Variants in GLB1L3 observed in about 807,000 individuals in gnomAD.
GLB1L3 encodes galactosidase beta 1 like 3, also known as beta-galactosidase-1-like protein 3.
GLB1L3 carries 89 observed loss-of-function variants against 89.5 expected under a neutral mutation model. The ratio of observed to expected loss-of-function variants is 0.99; its 90% CI spans 0.84 to 1.19. The LOEUF (loss-of-function observed/expected upper bound fraction) is 1.19, where lower values mean the gene tolerates loss of function less well. GLB1L3 is among the 50% of genes most tolerant of loss of function. GLB1L3 has a pLI of 0.00. For synonymous variants in GLB1L3, 314 were observed against 312.3 expected, an observed-to-expected ratio of 1.01 and a Z score of -0.06; for missense variants, 812 against 813.3, an observed-to-expected ratio of 1.00 and a Z score of 0.02.
At chr11:134,283,192 A>G (rs889275643) in intron 5 of GLB1L3, among the ~76,000 whole-genome samples, 5 of 151,914 alleles carry the variant, frequency 3.3e-5, no homozygotes, top group African/African-American at 1.2e-4. Flanking sequence ...CCTCCTGAGT[A>G]GCTGGGATTA....
rs1306971985 is a variant in GLB1L3 at position 134,319,485 on chromosome 11, A to T, written c.*543A>T. ...TTTAATGACTGATTTATCTAGTTAA[A>T]TGCTTAATCCTTAGCAGGCTCTTAT... On this transcript the variant is annotated 3_prime_UTR_variant, in exon 20 of 20. Transcript: ENST00000431683. The T allele has an allele frequency of 6.6e-6, 1 of 152,412 alleles. No homozygotes were observed. The highest frequency in any genetic ancestry group is 1.5e-5 in the Non-Finnish European group (1 of 68,206). The allele number at this position is 152,412 out of a possible 1,614,324, so 9.4% of individuals were successfully genotyped here. A position where few individuals can be genotyped will look rare whatever the true frequency, so the allele number is the denominator to read the frequency against.
At chr11:134,319,757 CGT>C (rs1487543269), downstream of GLB1L3, among the ~76,000 whole-genome samples, 2 of 145,876 alleles carry the variant, frequency 1.4e-5, no homozygotes, top group African/African-American at 5.0e-5. Flanking sequence ...TGCGCGCGCG[CGT>C]GCATGTGTGT....
At chr11:134,287,027 GGC>G (rs1397377330) in intron 6 of GLB1L3, 1 of 151,516 alleles carries the variant, frequency 6.6e-6, no homozygotes, top group Non-Finnish European at 1.5e-5. Context: ...CGGGCGTGGT[GGC>G]GGGCGCCTGT....
chr11:134,312,977 C>G (rs1591591603), intron 15 of GLB1L3, 90 bp downstream of exon 15: 3 of 906,432 alleles, frequency 3.3e-6, no homozygotes, highest in Non-Finnish European at 1.8e-6. Flanking sequence ...CCCTTCTCCA[C>G]CCCTGCTGCT....
chr11:134,294,789 C>T (rs141862409), intron 9 of GLB1L3, among the ~76,000 whole-genome samples: 21 of 152,282 alleles, frequency 1.4e-4, no homozygotes, highest in African/African-American at 5.1e-4. Context: ...TCTTCGAGGT[C>T]CATTTATGCA....
chr11:134,283,881 G>C (rs748626271), intron 6 of GLB1L3, 36 bp downstream of exon 6: 6 of 1,211,420 alleles, frequency 5.0e-6, no homozygotes, highest in Middle Eastern at 1.9e-4. Context: ...TTTCTTACGT[G>C]CCCTTTAGGG....
At chr11:134,279,245 G>A (rs1565386848) in intron 3 of GLB1L3, among the ~76,000 whole-genome samples, 1 of 151,954 alleles carries the variant, frequency 6.6e-6, no homozygotes. Context: ...GAGGTGAAGG[G>A]TTTGGGGACG....
Position 134,308,329 on chromosome 11 carries a change from TCAC to T in GLB1L3, c.961+1124_961+1126del, listed in dbSNP as rs1942395747. ...ACCACCACTACCACCACCATCACCA[TCAC>T]CATCACCATCATCACCATCACCACT... On this transcript the variant is annotated intron_variant, in intron 10 of 19. Transcript: ENST00000431683. Among the ~76,000 whole-genome samples the T allele has an allele frequency of 3.5e-4, 7 of 20,260 alleles. 2 individuals are homozygous for T. In the South Asian group the frequency reaches 0.011, roughly 31 times the overall value. 13.3% of individuals were successfully genotyped at this position (20,260 alleles called of 152,430 possible).
chr11:134,308,177 ACCATCACCATCATCACCATCACC>A (rs1942303124), intron 10 of GLB1L3, among the ~76,000 whole-genome samples: 1 of 119,470 alleles, frequency 8.4e-6, no homozygotes, highest in African/African-American at 3.8e-5. Flanking sequence ...CAGCACCACC[ACCATCACCATCATCACCATCACC>A]ACTACCACCA....
downstream of GLB1L3, among the ~76,000 whole-genome samples, chr11:134,320,738 CA>C (rs58638015): frequency 0.32 from 44,887 of 139,184 alleles, 7,009 homozygotes; most frequent in African/African-American, 0.4. Context: ...ACAAGAAAAA[CA>C]AAAAAAAAAA....
At position 134,313,399 on chromosome 11, in the gene GLB1L3, T is replaced by C; in HGVS notation, c.1504T>C (p.Cys502Arg). The stretch of plus-strand genomic sequence containing the variant: ...ATGACCTGGCCTGTCCCAGCAGGAC[T>C]GCCGATACCTGAGGATCCTGGTGGA... ...KDLHIPELRD[C>R]RYLRILVENQ... The change falls in exon 16 of 20, where the codon TGC (cysteine) becomes CGC (arginine). Residue 502 changes from cysteine (C) to arginine (R), a missense_variant. Cys to Arg is a radical substitution (Grantham distance 180). This residue lies in a region of GLB1L3 where 618 missense variants were observed against 604.0 expected (regional missense o/e 1.02). Coordinates refer to ENST00000431683, the MANE Select transcript of GLB1L3 (RefSeq NM_001080407.3). 1 of 1,578,314 alleles carries C rather than the reference T, an allele frequency of 6.3e-7. No homozygotes were observed. Among genetic ancestry groups the C allele is most frequent in the South Asian group, 1.2e-5 (1 of 85,758 alleles).
At chr11:134,325,039 T>A in the GLB1L3 span, among the ~76,000 whole-genome samples, 1 of 152,210 alleles carries the variant, frequency 6.6e-6, no homozygotes, top group African/African-American at 2.4e-5. Flanking sequence ...GTTATAAAGC[T>A]AATGTATGCT....
chr11:134,277,245 C>A, intron 1 of GLB1L3, 81 bp from the exon 2 acceptor site: 2 of 1,591,232 alleles, frequency 1.3e-6, no homozygotes, highest in Non-Finnish European at 1.7e-6. Context: ...CTCTAAAGCG[C>A]CCCCGGCACA....
downstream of GLB1L3, among the ~76,000 whole-genome samples, chr11:134,320,748 A>C (rs1323344241): frequency 2.6e-5 from 4 of 152,144 alleles, no homozygotes; most frequent in Non-Finnish European, 4.4e-5. Context: ...CAAAAAAAAA[A>C]AACAAAATAT....
intron 3 of GLB1L3, among the ~76,000 whole-genome samples, 170 bp from the exon 4 acceptor site, chr11:134,281,207 C>CTAT (rs1940666493): frequency 6.6e-6 from 1 of 152,180 alleles, no homozygotes. Context: ...GAGCAAGGAA[C>CTAT]TATTAAAGAT....
At chr11:134,304,135 A>G (rs1942074457) in intron 9 of GLB1L3, among the ~76,000 whole-genome samples, 1 of 151,338 alleles carries the variant, frequency 6.6e-6, no homozygotes. Context: ...GTGTTGTCTC[A>G]CTCCTCTCAT....
intron 6 of GLB1L3, among the ~76,000 whole-genome samples, chr11:134,286,620 A>G (rs1464455136): frequency 6.6e-6 from 1 of 151,572 alleles, no homozygotes; most frequent in African/African-American, 2.4e-5. Flanking sequence ...ACTAAAAAAT[A>G]GAAAAAATTA....
chr11:134,312,546 C>G, intron 14 of GLB1L3, 57 bp downstream of exon 14: 1 of 1,587,346 alleles, frequency 6.3e-7, no homozygotes, highest in Admixed American at 1.7e-5. Context: ...CCCATGCTGT[C>G]GGGCAGGGTA....
chr11:134,307,280 C>G, intron 10 of GLB1L3, 72 bp downstream of exon 10: 1 of 1,077,220 alleles, frequency 9.3e-7, no homozygotes, highest in Non-Finnish European at 1.4e-6. Context: ...TCATACAGTT[C>G]TCTGCTAATT....
Sources: allele counts gnomAD v4.1 joint callset (sites outside exome capture counted in the v4.1 genomes callset), GRCh38; gene constraint gnomAD v4.1.1; regional missense constraint gnomAD v4.1.1; transcripts MANE v1.5; gene names NCBI Gene and HGNC (gene_info 2026-07-23, HGNC 2026-07-21).